The following CLSPN variants were observed in gnomAD, a reference collection of about 807,000 sequenced individuals.
CLSPN encodes the protein claspin, also known as claspin homolog.
CLSPN carries 85 observed loss-of-function variants against 156.3 expected under a neutral mutation model. The observed-to-expected ratio is 0.54, with a 90% CI of 0.46 to 0.65. The LOEUF (loss-of-function observed/expected upper bound fraction) is 0.65. Among genes scored for constraint, CLSPN ranks in the 30% least tolerant of loss-of-function variants. The pLI is 0.00. For synonymous variants in CLSPN, 534 were observed against 542.4 expected (o/e 0.98, Z 0.22); for missense variants, 1,407 against 1,554.9 (o/e 0.90, Z 1.60).
chr1:35,745,381 A>G (rs2148617018), intron 16 of CLSPN, 70 bp downstream of exon 16: 1 of 1,054,240 alleles, frequency 9.5e-7, no homozygotes, highest in East Asian at 2.4e-5. Flanking sequence ...CAAAGCCCTT[A>G]AGATGATCAG....
chr1:35,768,532 C>G (rs770011197), intron 1 of CLSPN, among the ~76,000 whole-genome samples: 1 of 151,922 alleles, frequency 6.6e-6, no homozygotes, highest in East Asian at 1.9e-4. Context: ...CTCAGCCACC[C>G]GAGTAGCTGG....
intron 18 of CLSPN, among the ~76,000 whole-genome samples, chr1:35,740,503 C>A (rs1002880708): frequency 5.9e-5 from 9 of 151,858 alleles, no homozygotes; most frequent in African/African-American, 1.9e-4. Flanking sequence ...ACTGCAACCT[C>A]CACCTCCTGG....
At position 35,764,499 on chromosome 1, in the gene CLSPN, T is replaced by C. The variant is rs765235132; in HGVS notation, c.349A>G (p.Lys117Glu). The change falls in exon 3 of 25, where the codon AAG (lysine) becomes GAG (glutamate). Residue 117 changes from lysine (K) to glutamate (E), a missense_variant. Coordinates refer to ENST00000318121, the MANE Select transcript of CLSPN (RefSeq NM_022111.4). ...TCAAGATTTTCCTGATACAAAGACTTTTCCATGTAACTTTCATCACTGTCT... is the reference window on the plus strand; with the variant it reads ...TCAAGATTTTCCTGATACAAAGACTCTTCCATGTAACTTTCATCACTGTCT... ...VADSDESYME[K>E]SLYQENLEAQ... 1.9e-6 allele frequency: 3 copies of C among 1,614,056 alleles called. No homozygotes were observed. The East Asian group carries it at 6.7e-5, about 36-fold the overall frequency.
Position 35,736,470 on chromosome 1 carries a change from T to A in CLSPN, c.*26A>T, listed in dbSNP as rs763397781. 2.6e-6 allele frequency: 4 copies of A among 1,564,862 alleles called. No homozygotes were observed. The highest frequency in any genetic ancestry group is 1.2e-5 in the South Asian group (1 of 81,866). On this transcript the variant is annotated 3_prime_UTR_variant, in exon 25 of 25. Transcript: ENST00000318121. ...TAGAAACTTCTCAAAGCAGTCTCAA[T>A]GTAGATTTTGGCACCTTTGATGGTG...
At chr1:35,724,137 CTA>C (rs1266289393) in intron 24 of CLSPN, among the ~76,000 whole-genome samples, 3 of 152,074 alleles carry the variant, frequency 2.0e-5, no homozygotes, top group Admixed American at 2.0e-4. Context: ...GGGAGTCTTG[CTA>C]TGTTACCCAG....
Position 35,763,312 on chromosome 1 carries a change from C to T in CLSPN, c.592G>A (p.Val198Ile), listed in dbSNP as rs142810915. The T allele has an allele frequency of 3.2e-6, 5 of 1,585,554 alleles. No homozygotes were observed. Among genetic ancestry groups the T allele is most frequent in the South Asian group, 1.2e-5 (1 of 85,980 alleles). ...KKETKNQEDD[V>I]EQPFNDSGCL... is the part of the protein sequence containing the mutation. ...CCACTGTCATTAAATGGCTGTTCTA[C>T]ATCATCTTCCTAAGTAATACATAAA... The change falls in exon 4 of 25, where the codon GTA becomes ATA. Residue 198 changes from valine to isoleucine, a missense_variant. By Grantham distance (29) the Val-to-Ile change is conservative. Transcript: ENST00000318121.
At chr1:35,723,820 G>A (rs1170695853) in intron 24 of CLSPN, among the ~76,000 whole-genome samples, 2 of 152,106 alleles carry the variant, frequency 1.3e-5, no homozygotes, top group Non-Finnish European at 2.9e-5. Flanking sequence ...GTGAAACCCC[G>A]TCTCTACTAA....
Position 35,761,128 on chromosome 1 carries a change from G to C in CLSPN, c.972C>G (p.Pro324=). The change falls in exon 7 of 25, where the codon CCC becomes CCG. Residue 324 remains proline, a synonymous_variant. Transcript: ENST00000318121. ...GTGCCATGGCATTTCCGTGGCAAGT[G>C]GGCCGGGGTTTACGTTTGAAGAAAT... ...IHDFFKRKPR[P]TCHGNAMALL... 1 of 1,613,340 alleles carries C rather than the reference G, an allele frequency of 6.2e-7. No individual in the cohort carries two copies.
Position 35,764,687 on chromosome 1 carries a change from T to C in CLSPN, c.161A>G (p.Lys54Arg). The change falls in exon 3 of 25, where the codon AAG becomes AGG. Residue 54 changes from lysine (K) to arginine (R), a missense_variant. Physicochemically the swap from Lys to Arg is conservative, Grantham distance 26. Around this residue, in one of 3 missense-constraint regions of CLSPN, gnomAD observed 1,096 missense variants for 1,193.0 expected, o/e 0.92. Coordinates refer to ENST00000318121, the MANE Select transcript of CLSPN (RefSeq NM_022111.4). ...TAGAACCTTCCTGTTTTTCAACTTCTTACTTACAAATATCTCTTCATCTGA... is the reference window on the plus strand; with the variant it reads ...TAGAACCTTCCTGTTTTTCAACTTCCTACTTACAAATATCTCTTCATCTGA... ...GDSDEEIFVS[K>R]KLKNRKVLQD... 1 of 1,581,286 alleles carries C rather than the reference T, an allele frequency of 6.3e-7. No homozygotes were observed. Among genetic ancestry groups the C allele is most frequent in the Non-Finnish European group, 8.5e-7 (1 of 1,170,334 alleles).
chr1:35,744,361 G>A (rs942072675), intron 16 of CLSPN, among the ~76,000 whole-genome samples: 1 of 152,158 alleles, frequency 6.6e-6, no homozygotes, highest in Admixed American at 6.5e-5. Flanking sequence ...GAGTGCAGTG[G>A]CACAATCATG....
chr1:35,724,931 G>A (rs937318980), intron 24 of CLSPN, among the ~76,000 whole-genome samples: 8 of 152,162 alleles, frequency 5.3e-5, no homozygotes, highest in Non-Finnish European at 7.4e-5. Flanking sequence ...GTTTACCTTA[G>A]GTAAAATATG....
downstream of CLSPN, among the ~76,000 whole-genome samples, chr1:35,727,436 A>G (rs1321829051): frequency 6.6e-6 from 1 of 152,186 alleles, no homozygotes; most frequent in East Asian, 1.9e-4. Context: ...CTCTGAGGCA[A>G]TTCCCACCCT....
intron 8 of CLSPN, among the ~76,000 whole-genome samples, chr1:35,754,417 T>C (rs563281079): frequency 2.0e-5 from 3 of 152,326 alleles, no homozygotes; most frequent in African/African-American, 7.2e-5. Flanking sequence ...TGATCTCAGC[T>C]CACTGCAACC....
intron 4 of CLSPN, 46 bp downstream of exon 4, chr1:35,763,114 G>A (rs1023947946): frequency 7.0e-7 from 1 of 1,420,180 alleles, no homozygotes; most frequent in Non-Finnish European, 9.3e-7. Context: ...TATAGCAAAG[G>A]TCAGAAGCAG....
chr1:35,743,815 T>A (rs1167499286), intron 16 of CLSPN, among the ~76,000 whole-genome samples: 1 of 152,020 alleles, frequency 6.6e-6, no homozygotes, highest in Non-Finnish European at 1.5e-5. Flanking sequence ...TAGAGACAGA[T>A]TTCACCATGT....
rs538535345 is a variant in CLSPN at position 35,743,481 on chromosome 1, T to C, written c.3016A>G (p.Asn1006Asp). The stretch of plus-strand genomic sequence containing the variant: ...TCATCACTATCAAACTCATTATCAT[T>C]TGAAACAAGCCGAAAGTCTCCAAAT... ...EEFGDFRLVS[N>D]DNEFDSDEDE... The change falls in exon 17 of 25, where the codon AAT becomes GAT. Residue 1006 changes from asparagine to aspartate, a missense_variant. Physicochemically the swap from Asn to Asp is conservative, Grantham distance 23 (BLOSUM62 1). This residue lies in a region of CLSPN where 1,096 missense variants were observed against 1,193.0 expected (regional missense o/e 0.92). Coordinates refer to ENST00000318121, the MANE Select transcript of CLSPN (RefSeq NM_022111.4). 1.1e-5 allele frequency: 18 copies of C among 1,613,854 alleles called. No homozygotes were observed. In the East Asian group the frequency reaches 2.9e-4, roughly 26 times the overall value.
chr1:35,721,771 T>G (rs1309333974), intron 24 of CLSPN, among the ~76,000 whole-genome samples: 1 of 152,046 alleles, frequency 6.6e-6, no homozygotes, highest in Non-Finnish European at 1.5e-5. Flanking sequence ...TCATATAAGG[T>G]GCCACAACCA....
At chr1:35,757,618 T>C (rs910017565) in intron 8 of CLSPN, among the ~76,000 whole-genome samples, 1 of 152,210 alleles carries the variant, frequency 6.6e-6, no homozygotes, top group African/African-American at 2.4e-5. Flanking sequence ...AATGTACCAG[T>C]GTCTAATATA....
At chr1:35,737,225 CT>C in intron 23 of CLSPN, 113 bp downstream of exon 23, 1 of 1,277,486 alleles carries the variant, frequency 7.8e-7, no homozygotes, top group Non-Finnish European at 1.1e-6. Flanking sequence ...TTGACATTAA[CT>C]TTTTCCCTGC....
Sources: gnomAD v4.1 joint callset for allele counts (sites outside exome capture counted in the v4.1 genomes callset) on GRCh38, gnomAD v4.1.1 for gene constraint, gnomAD v4.1.1 regional missense constraint, MANE v1.5 for transcripts, NCBI Gene and HGNC (gene_info 2026-07-23, HGNC 2026-07-21) for gene names.